Variants in PPP1R12C observed in about 807,000 individuals in gnomAD.
PPP1R12C encodes the protein leukocyte receptor cluster (LRC) encoded novel gene 3.
A neutral mutation model predicts 95.6 loss-of-function variants in PPP1R12C; 48 were observed. The observed-to-expected ratio is 0.50, with a 90% CI of 0.40 to 0.64. The LOEUF is 0.64. Ranked by LOEUF, PPP1R12C falls within the 30% of genes least tolerant of loss-of-function variation. The probability of loss-of-function intolerance (pLI) is 0.00; values close to 1 mark genes in which losing one functional copy is unlikely to be tolerated. For missense variants in PPP1R12C, 1,057 were observed against 1,083.3 expected, an observed-to-expected ratio of 0.98 and a Z score of 0.34; for synonymous variants, 480 against 460.8, an observed-to-expected ratio of 1.04 and a Z score of -0.53.
At position 55,117,409 on chromosome 19, in the gene PPP1R12C, G is replaced by A; in HGVS notation, c.135C>T (p.Arg45=). 5.9e-6 allele frequency: 6 copies of A among 1,024,004 alleles called. No individual in the cohort carries two copies. Among genetic ancestry groups the A allele is most frequent in the Non-Finnish European group, 7.0e-6 (6 of 857,336 alleles). 63.4% of individuals were successfully genotyped at this position (1,024,004 alleles called of 1,614,324 possible). ...CGGCGGCGCGCTCGAAGCGGACGGT[G>A]CGGGCGCGGCGCTCTCCGGGGCCAG... ...AEPGPGERRA[R]TVRFERAAEF... Residue 45 remains arginine, a synonymous_variant, in exon 1 of 22, where the codon CGC becomes CGT. Transcript: ENST00000263433.
chr19:55,104,241 T>TTA (rs961758381), intron 3 of PPP1R12C, among the ~76,000 whole-genome samples: 2 of 142,888 alleles, frequency 1.4e-5, no homozygotes, highest in Non-Finnish European at 3.0e-5. Context: ...TAAAAAATAT[T>TTA]TATATATATA....
rs2084844797 is a variant in PPP1R12C at position 55,091,806 on chromosome 19, G to C, written c.2211+53C>G. The C allele has an allele frequency of 3.1e-6, 5 of 1,612,256 alleles. No individual in the cohort carries two copies. In the South Asian group the frequency reaches 5.5e-5, roughly 18 times the overall value. On this transcript the variant is annotated intron_variant, in intron 20 of 21. Transcript: ENST00000263433. ...ATGTGGCTCCCTTGGTCCAAACTTA[G>C]GGATGTGAGGCTGGGGACGCCTCTG...
In PPP1R12C at chr19:55,113,007, C is replaced by T. The variant is rs1603007979; in HGVS notation, c.322-212G>A. 6 of 621,814 alleles carry T rather than the reference C, an allele frequency of 9.6e-6. No homozygotes were observed. In the East Asian group the frequency reaches 1.7e-4, roughly 17 times the overall value. The allele number at this position is 621,814 out of a possible 1,614,324, so 38.5% of individuals were successfully genotyped here. On this transcript the variant is annotated intron_variant, in intron 1 of 21. Transcript: ENST00000263433. ...CAGGCCTTCAGTGCTCAGTGGAAAC[C>T]ACGAAAGGACTCCTGGCTATCTGCA...
Position 55,094,767 on chromosome 19 carries a change from C to T in PPP1R12C, c.1486G>A (p.Glu496Lys), listed in dbSNP as rs1285773586. The change falls in exon 12 of 22, where the codon GAG becomes AAG. Residue 496 changes from glutamate to lysine, a missense_variant. Physicochemically the swap from Glu to Lys is moderately conservative, Grantham distance 56 (BLOSUM62 1). This residue lies in a region of PPP1R12C where 356 missense variants were observed against 330.5 expected (regional missense o/e 1.08). Coordinates refer to ENST00000263433, the MANE Select transcript of PPP1R12C (RefSeq NM_017607.4). ...SEVTKPPPCL[E>K]NSSPPSRIPE... ...ATCCTGGAGGGAGGCGAGGAGTTCT[C>T]CAAGCAAGGAGGAGGCTTGGTGACC... 2 of 1,604,598 alleles carry T rather than the reference C, an allele frequency of 1.2e-6. No individual in the cohort carries two copies. The highest frequency in any genetic ancestry group is 1.7e-6 in the Non-Finnish European group (2 of 1,177,004).
intron 4 of PPP1R12C, among the ~76,000 whole-genome samples, chr19:55,103,166 C>T (rs1477381542): frequency 6.6e-6 from 1 of 152,082 alleles, no homozygotes; most frequent in East Asian, 1.9e-4. Flanking sequence ...TGCACTCCAG[C>T]CTGGGTGACA....
In PPP1R12C at chr19:55,094,721, G is replaced by A. The variant is rs373151753; in HGVS notation, c.1532C>T (p.Ala511Val). The A allele has an allele frequency of 3.7e-6, 6 of 1,609,988 alleles. No individual in the cohort carries two copies. Among genetic ancestry groups the A allele is most frequent in the Non-Finnish European group, 5.1e-6 (6 of 1,179,064 alleles). ...GGAGGCTGTGGGGACGTTTGGCTTC[G>A]CTGGGGATTCAGGCTCCGGAATCCT... ...PSRIPEPESP[A>V]KPNVPTASTA... Residue 511 changes from alanine (A) to valine (V), a missense_variant, in exon 12 of 22, where the codon GCG becomes GTG. By Grantham distance (64) the Ala-to-Val change is moderately conservative. Around this residue, in one of 5 missense-constraint regions of PPP1R12C, gnomAD observed 356 missense variants for 330.5 expected, o/e 1.08. Transcript: ENST00000263433.
chr19:55,094,535 C>CCG, intron 12 of PPP1R12C, 100 bp from the exon 13 acceptor site: 1 of 1,576,318 alleles, frequency 6.3e-7, no homozygotes, highest in Non-Finnish European at 8.6e-7. Flanking sequence ...GGAGGGGACT[C>CCG]CAACTCCCAG....
At chr19:55,096,672 G>GGGCC (rs1211705558) in intron 6 of PPP1R12C, among the ~76,000 whole-genome samples, 19 of 151,978 alleles carry the variant, frequency 1.3e-4, no homozygotes, top group Non-Finnish European at 1.2e-4. Flanking sequence ...GGGCACTGGT[G>GGGCC]GGCCCTCAGC....
At chr19:55,106,810 C>T (rs2085043383) in intron 3 of PPP1R12C, among the ~76,000 whole-genome samples, 1 of 152,196 alleles carries the variant, frequency 6.6e-6, no homozygotes, top group South Asian at 2.1e-4. Flanking sequence ...TAGCCTGGCT[C>T]CAGGGTGCGC....
At chr19:55,092,742 C>G (rs2084860826) in intron 16 of PPP1R12C, 41 bp downstream of exon 16, 2 of 1,533,766 alleles carry the variant, frequency 1.3e-6, no homozygotes, top group African/African-American at 1.4e-5. Context: ...CGCCCCCCGG[C>G]CCACCCTCTG....
At position 55,093,348 on chromosome 19, in the gene PPP1R12C, C is replaced by CT. The variant is rs1234465065; in HGVS notation, c.1684-116_1684-115insA. The CT allele has an allele frequency of 4.6e-4, 55 of 118,692 alleles. 5 individuals carry two copies. Among genetic ancestry groups the CT allele is most frequent in the African/African-American group, 1.7e-3 (40 of 23,774 alleles). 7.4% of individuals were successfully genotyped at this position (118,692 alleles called of 1,614,324 possible). On this transcript the variant is annotated intron_variant, in intron 13 of 21. Transcript: ENST00000263433. ...CTCCCTCAGACCCAGGAGCCCAGAC[C>CT]CCAGCCCCTCCTCCCTCAGACCCAG...
At chr19:55,096,607 T>C (rs996940501) in intron 6 of PPP1R12C, among the ~76,000 whole-genome samples, 2 of 151,912 alleles carry the variant, frequency 1.3e-5, no homozygotes, top group African/African-American at 2.4e-5. Flanking sequence ...GAGGGGTCCT[T>C]CTAGCTCCCA....
Position 55,109,639 on chromosome 19 carries a change from C to T in PPP1R12C, c.571+2828G>A, listed in dbSNP as rs989887920. 6.6e-6 allele frequency among the ~76,000 whole-genome samples: 1 copy of T among 152,228 alleles called. No homozygotes were observed. Among genetic ancestry groups the T allele is most frequent in the Non-Finnish European group, 1.5e-5 (1 of 68,038 alleles). On this transcript the variant is annotated intron_variant, in intron 3 of 21. Transcript: ENST00000263433. The surrounding 1 kb of genome is among the most constrained non-coding windows in gnomAD (Gnocchi z 4.4). ...CGAAGGGGATGGTCGTGCCTGAGGC[C>T]GGTCTGTCTTCTCTCCCAGCCCTGC... is the stretch of plus-strand genomic sequence containing the variant.
At position 55,092,462 on chromosome 19, in the gene PPP1R12C, G is replaced by C; in HGVS notation, c.2035C>G (p.Pro679Ala). ...CGCACCGTCCTAAAGCCTCCGTCTGGCTCTTCCGATTCTGGCTCAGGTTCT... is the reference window on the plus strand; with the variant it reads ...CGCACCGTCCTAAAGCCTCCGTCTGCCTCTTCCGATTCTGGCTCAGGTTCT... ...NPEPEPESEE[P>A]DGGFRTLYAE... Residue 679 changes from proline (P) to alanine (A), a missense_variant, in exon 18 of 22, where the codon CCA (proline) becomes GCA (alanine). By Grantham distance (27) the Pro-to-Ala change is conservative (BLOSUM62 -1). Around this residue, in one of 5 missense-constraint regions of PPP1R12C, gnomAD observed 347 missense variants for 307.9 expected, o/e 1.13. Transcript: ENST00000263433. 1 of 1,609,354 alleles carries C rather than the reference G, an allele frequency of 6.2e-7. No individual in the cohort carries two copies. Among genetic ancestry groups the C allele is most frequent in the South Asian group, 1.1e-5 (1 of 90,454 alleles).
In PPP1R12C at chr19:55,117,443, C is replaced by G; in HGVS notation, c.101G>C (p.Gly34Ala). The G allele has an allele frequency of 6.0e-6, 6 of 996,860 alleles. No individual in the cohort carries two copies. The highest frequency in any genetic ancestry group is 7.1e-6 in the Non-Finnish European group (6 of 839,922). 61.8% of individuals were successfully genotyped at this position (996,860 alleles called of 1,614,324 possible). A position where few individuals can be genotyped will look rare whatever the true frequency, so the allele number is the denominator to read the frequency against. Reference sequence around the variant, plus strand: ...GCGCTCTCCGGGGCCAGGCTCGGCGCCCGCCCGCGCCCCCCACTGCCGCAG... The same window carrying G: ...GCGCTCTCCGGGGCCAGGCTCGGCGGCCGCCCGCGCCCCCCACTGCCGCAG... ...EQLRQWGARAGAEPGPGERRA... is the reference protein window; with the variant it reads ...EQLRQWGARAAAEPGPGERRA... The change falls in exon 1 of 22, where the codon GGC becomes GCC. Residue 34 changes from glycine to alanine, a missense_variant. Physicochemically the swap from Gly to Ala is moderately conservative, Grantham distance 60 (BLOSUM62 0). This residue lies in a region of PPP1R12C where 70 missense variants were observed against 47.8 expected (regional missense o/e 1.46). Coordinates refer to ENST00000263433, the MANE Select transcript of PPP1R12C (RefSeq NM_017607.4).
In PPP1R12C at chr19:55,091,635, C is replaced by T. The variant is rs769025857; in HGVS notation, c.2262+15G>A. On this transcript the variant is annotated intron_variant, in intron 21 of 21. Transcript: ENST00000263433. ...CCACCCTCGGCCCTCTGCCCACAGC[C>T]CCCACAGCCCCCACCTTCAGCTCCT... The T allele has an allele frequency of 6.2e-7, 1 of 1,609,052 alleles. No homozygotes were observed. The highest frequency in any genetic ancestry group is 1.1e-5 in the South Asian group (1 of 90,330).
intron 8 of PPP1R12C, 28 bp downstream of exon 8, chr19:55,096,023 C>T (rs779813537): frequency 1.2e-6 from 2 of 1,608,610 alleles, no homozygotes; most frequent in Non-Finnish European, 1.7e-6. Flanking sequence ...CTCCCTCGGA[C>T]CCAGGAGTCC....
At chr19:55,095,023 G>A (rs970794411) in intron 11 of PPP1R12C, 19 of 689,490 alleles carry the variant, frequency 2.8e-5, no homozygotes, top group Middle Eastern at 4.0e-4. Flanking sequence ...AACTGAGAGC[G>A]GGAGGGTGTG....
intron 3 of PPP1R12C, among the ~76,000 whole-genome samples, chr19:55,103,837 C>T (rs2085004425): frequency 6.6e-6 from 1 of 151,864 alleles, no homozygotes; most frequent in South Asian, 2.1e-4. Flanking sequence ...CAGAAATTCA[C>T]CGTATTTTTA....
Sources: allele counts gnomAD v4.1 joint callset (sites outside exome capture counted in the v4.1 genomes callset), GRCh38; gene constraint gnomAD v4.1.1; regional missense constraint gnomAD v4.1.1; non-coding constraint Gnocchi (gnomAD v3.1); transcripts MANE v1.5; gene names NCBI Gene and HGNC (gene_info 2026-07-23, HGNC 2026-07-21).